Variants in FRAS1 observed in about 807,000 individuals in gnomAD.
FRAS1 encodes extracellular matrix organizing protein FRAS1.
In FRAS1, 290 loss-of-function variants were observed where a neutral mutation model predicts 435.2. That is an observed-to-expected ratio of 0.67 (90% confidence interval 0.61 to 0.73). The LOEUF (loss-of-function observed/expected upper bound fraction) is 0.73. Among genes scored for constraint, FRAS1 ranks in the 30% least tolerant of loss-of-function variants. The probability of loss-of-function intolerance (pLI) is 0.00; values close to 1 mark genes in which losing one functional copy is unlikely to be tolerated. For synonymous variants in FRAS1, 1,800 were observed against 1,851.0 expected (o/e 0.97, Z 0.71); for missense variants, 4,860 against 5,001.5 (o/e 0.97, Z 0.85).
intron 31 of FRAS1, among the ~76,000 whole-genome samples, chr4:78,410,862 T>C (rs1042302893): frequency 6.6e-6 from 1 of 152,234 alleles, no homozygotes; most frequent in Non-Finnish European, 1.5e-5. Flanking sequence ...TATGTTCTCC[T>C]GATGTAAAAG....
rs1295711982 is a variant in FRAS1 at position 78,384,125 on chromosome 4, A to T, written c.3630A>T (p.Ile1210=). 1 of 1,600,374 alleles carries T rather than the reference A, an allele frequency of 6.2e-7. No individual in the cohort carries two copies. The highest frequency in any genetic ancestry group is 8.5e-7 in the Non-Finnish European group (1 of 1,175,344). The change falls in exon 28 of 74, where the codon ATA becomes ATT. Residue 1210 remains isoleucine (I), a synonymous_variant. Coordinates refer to ENST00000512123, the MANE Select transcript of FRAS1 (RefSeq NM_025074.7). ...QFFSEPQLIN[I]QAFSTQAPYV... ...TCTCTGAGCCACAGCTGATCAACAT[A>T]CAAGCATTTTCAACACAGGTAATAA...
intron 14 of FRAS1, among the ~76,000 whole-genome samples, chr4:78,300,974 C>T (rs1452417176): frequency 6.6e-6 from 1 of 152,208 alleles, no homozygotes; most frequent in African/African-American, 2.4e-5. Context: ...GCACTTATTG[C>T]AATTCGTAAT....
chr4:78,119,237 G>A (rs753230061), intron 2 of FRAS1, among the ~76,000 whole-genome samples: 1 of 152,022 alleles, frequency 6.6e-6, no homozygotes, highest in Non-Finnish European at 1.5e-5. Context: ...ATATATTATT[G>A]CTAACTGTAG....
chr4:78,206,255 T>C (rs1179983689), intron 2 of FRAS1, among the ~76,000 whole-genome samples: 1 of 151,856 alleles, frequency 6.6e-6, no homozygotes, highest in Non-Finnish European at 1.5e-5. Context: ...GATGATGTGA[T>C]GATAGAGGTA....
At chr4:78,522,952 A>G (rs1395844931) in intron 69 of FRAS1, 144 bp downstream of exon 69, 15 of 808,336 alleles carry the variant, frequency 1.9e-5, no homozygotes, top group Middle Eastern at 7.0e-4. Flanking sequence ...AGCTGGGAGT[A>G]GTGGTGCTAG....
At position 78,472,199 on chromosome 4, in the gene FRAS1, A is replaced by T; in HGVS notation, c.7391A>T (p.Lys2464Met). The change falls in exon 52 of 74, where the codon AAG (lysine) becomes ATG (methionine). Residue 2464 changes from lysine (K) to methionine (M), a missense_variant. By Grantham distance (95) the Lys-to-Met change is moderately conservative. Coordinates refer to ENST00000512123, the MANE Select transcript of FRAS1 (RefSeq NM_025074.7). ...TTCTAGGCAACCAACCTGATCACCA[A>T]GAAGGAACTGCTGACCATGGACCCA... ...MDGKATNLIT[K>M]KELLTMDPDT... The T allele has an allele frequency of 6.2e-7, 1 of 1,613,974 alleles. No homozygotes were observed. Among genetic ancestry groups the T allele is most frequent in the Non-Finnish European group, 8.5e-7 (1 of 1,179,848 alleles).
chr4:78,259,473 T>C (rs1328705857), intron 6 of FRAS1, among the ~76,000 whole-genome samples: 10 of 151,232 alleles, frequency 6.6e-5, no homozygotes, highest in Non-Finnish European at 1.2e-4. Context: ...GTGAGCATTT[T>C]TTCATGTGTT....
chr4:78,411,942 A>G (rs1733355183), intron 31 of FRAS1, among the ~76,000 whole-genome samples: 1 of 152,086 alleles, frequency 6.6e-6, no homozygotes, highest in Non-Finnish European at 1.5e-5. Flanking sequence ...CAGTTTCCTC[A>G]CCTGTAAAAA....
intron 2 of FRAS1, among the ~76,000 whole-genome samples, chr4:78,109,565 A>G (rs975165052): frequency 2.4e-5 from 3 of 126,386 alleles, no homozygotes; most frequent in African/African-American, 9.3e-5. Context: ...CATGCTAAAA[A>G]CTCTCAATAA....
At chr4:78,226,766 T>G (rs185501969) in intron 2 of FRAS1, among the ~76,000 whole-genome samples, 5 of 152,184 alleles carry the variant, frequency 3.3e-5, no homozygotes, top group African/African-American at 1.2e-4. Context: ...TTTAAAAAAA[T>G]TTTGTTTCCG....
chr4:78,098,190 C>T (rs1741914013), intron 2 of FRAS1, among the ~76,000 whole-genome samples: 1 of 152,004 alleles, frequency 6.6e-6, no homozygotes, highest in African/African-American at 2.4e-5. Context: ...CCTTTTTCCC[C>T]ATGTCTCTCC....
chr4:78,284,673 A>G, intron 13 of FRAS1, 125 bp downstream of exon 13: 1 of 854,288 alleles, frequency 1.2e-6, no homozygotes, highest in African/African-American at 1.7e-5. Flanking sequence ...CATGTTTTTG[A>G]GATGCACAAC....
intron 58 of FRAS1, among the ~76,000 whole-genome samples, chr4:78,486,417 A>G (rs1282455979): frequency 2.6e-5 from 4 of 152,206 alleles, no homozygotes; most frequent in African/African-American, 4.8e-5. Context: ...GCCATGCACA[A>G]TAAGTGTTCT....
intron 42 of FRAS1, chr4:78,446,374 A>G: frequency 9.3e-7 from 1 of 1,070,296 alleles, no homozygotes; most frequent in Non-Finnish European, 1.1e-6. Context: ...ATTTTCTAAG[A>G]GAGTTCTGAG....
chr4:78,413,074 C>T lies in FRAS1; in HGVS notation c.4414C>T (p.Leu1472Phe). ...EAPKVSLEAS[L>F]HMTAREDGLT... ...ACCTAAAGTGTCTCTGGAAGCATCT[C>T]TCCATATGACTGTGAGTTGGGTGGG... is the stretch of plus-strand genomic sequence containing the variant. The change falls in exon 32 of 74, where the codon CTC (leucine) becomes TTC (phenylalanine). Residue 1472 changes from leucine to phenylalanine, a missense_variant. Leu to Phe is a conservative substitution (Grantham distance 22, BLOSUM62 0). Transcript: ENST00000512123. The T allele has an allele frequency of 2.5e-6, 4 of 1,595,948 alleles. No homozygotes were observed. Among genetic ancestry groups the T allele is most frequent in the Non-Finnish European group, 3.4e-6 (4 of 1,168,936 alleles).
At chr4:78,173,053 C>T (rs1273325776) in intron 2 of FRAS1, among the ~76,000 whole-genome samples, 1 of 152,194 alleles carries the variant, frequency 6.6e-6, no homozygotes, top group Non-Finnish European at 1.5e-5. Context: ...GTCCACAGCT[C>T]AGGTGTGCTC....
intron 2 of FRAS1, among the ~76,000 whole-genome samples, chr4:78,179,624 A>T (rs1045324842): frequency 3.9e-5 from 6 of 152,174 alleles, no homozygotes; most frequent in African/African-American, 1.4e-4. Flanking sequence ...TAAAGGAGGG[A>T]TTCCAGGTAC....
chr4:78,203,990 G>A (rs1723151327), intron 2 of FRAS1, among the ~76,000 whole-genome samples: 1 of 152,200 alleles, frequency 6.6e-6, no homozygotes, highest in Non-Finnish European at 1.5e-5. Context: ...CTAGAGGGCT[G>A]TCTAGTGTTC....
At position 78,306,439 on chromosome 4, in the gene FRAS1, A is replaced by C. The variant is rs1171229394; in HGVS notation, c.1535-1627A>C. On this transcript the variant is annotated intron_variant, in intron 14 of 73. Transcript: ENST00000512123. ...TGCTAGATTGGGGAAGTTCTCCTGG[A>C]TAATATCCTGCAGAGTGTTTTCCAA... is the stretch of plus-strand genomic sequence containing the variant. Among the ~76,000 whole-genome samples, 195 of 114,978 alleles carry C rather than the reference A, an allele frequency of 1.7e-3. 1 individual carries two copies. Among genetic ancestry groups the C allele is most frequent in the African/African-American group, 5.2e-3 (163 of 31,244 alleles). 75.4% of individuals were successfully genotyped at this position (114,978 alleles called of 152,430 possible).
Sources: allele counts gnomAD v4.1 joint callset (sites outside exome capture counted in the v4.1 genomes callset), GRCh38; gene constraint gnomAD v4.1.1; transcripts MANE v1.5; gene names NCBI Gene and HGNC (gene_info 2026-07-23, HGNC 2026-07-21).